CPEB4: variants seen among roughly 807,000 people sequenced by gnomAD.
CPEB4 encodes the protein cytoplasmic polyadenylation element binding protein 4, also known as cytoplasmic polyadenylation element-binding protein 4.
A neutral mutation model predicts 72.5 loss-of-function variants in CPEB4; 12 were observed. That is an observed-to-expected ratio of 0.17 (90% CI 0.11 to 0.27). CPEB4 has a LOEUF of 0.27. CPEB4 is among the 10% of genes least tolerant of loss of function. CPEB4 has a pLI of 1.00. For synonymous variants in CPEB4, 302 were observed against 326.3 expected, an observed-to-expected ratio of 0.93 and a Z score of 0.80; for missense variants, 614 against 908.5, an observed-to-expected ratio of 0.68 and a Z score of 4.17.
At chr5:173,952,227 A>G (rs969599457) in intron 8 of CPEB4, among the ~76,000 whole-genome samples, 3 of 152,332 alleles carry the variant, frequency 2.0e-5, no homozygotes, top group South Asian at 2.1e-4. Flanking sequence ...TGAGGGTTGA[A>G]TTAGACGACC....
intron 3 of CPEB4, among the ~76,000 whole-genome samples, chr5:173,941,719 A>C (rs952775522): frequency 2.0e-5 from 3 of 152,126 alleles, no homozygotes; most frequent in Non-Finnish European, 4.4e-5. Flanking sequence ...CCAAAAAAAA[A>C]ATACAAAAAT....
At chr5:173,952,155 A>G (rs1758235437) in intron 8 of CPEB4, among the ~76,000 whole-genome samples, 1 of 152,186 alleles carries the variant, frequency 6.6e-6, no homozygotes, top group Non-Finnish European at 1.5e-5. Context: ...TCAAGTAGGG[A>G]TGAAAAGCGT....
In CPEB4 at chr5:173,889,712, A is replaced by G. The variant is rs1443533590; in HGVS notation, c.-22A>G. 3 of 1,535,672 alleles carry G rather than the reference A, an allele frequency of 2.0e-6. No individual in the cohort carries two copies. In the South Asian group the frequency reaches 3.8e-5, roughly 19 times the overall value. On this transcript the variant is annotated 5_prime_UTR_variant, in exon 1 of 10. Coordinates refer to ENST00000265085, the MANE Select transcript of CPEB4 (RefSeq NM_030627.4). ...TCAGGTTGTCATTTTTTATTGTGAG[A>G]TTCTGCTCCTAAAGATAATAAATGG...
At chr5:173,901,620 C>T (rs1219764582) in intron 1 of CPEB4, among the ~76,000 whole-genome samples, 1 of 152,212 alleles carries the variant, frequency 6.6e-6, no homozygotes, top group African/African-American at 2.4e-5. Flanking sequence ...AACATCTGCT[C>T]TGAAGTCAGA....
Position 173,888,499 on chromosome 5 carries a change from TCAA to T in CPEB4, c.-1230_-1228del. The stretch of plus-strand genomic sequence containing the variant: ...GAAAAAGAAGAACCAGGAGGAGTCC[TCAA>T]CAACGACAGCGGGGACTGCGGGACC... On this transcript the variant is annotated 5_prime_UTR_variant, in exon 1 of 10. Transcript: ENST00000265085. This position sits in a 1 kb window ranked among gnomAD's most constrained non-coding sequence, Gnocchi z 4.3. 1 of 417,996 alleles carries T rather than the reference TCAA, an allele frequency of 2.4e-6. No homozygotes were observed. Among genetic ancestry groups the T allele is most frequent in the Non-Finnish European group, 4.2e-6 (1 of 238,446 alleles). The allele number at this position is 417,996 out of a possible 1,614,324, so 25.9% of individuals were successfully genotyped here.
chr5:173,901,837 G>A (rs1481332452), intron 1 of CPEB4, among the ~76,000 whole-genome samples: 1 of 152,204 alleles, frequency 6.6e-6, no homozygotes, highest in African/African-American at 2.4e-5. Context: ...AGTGGCGATG[G>A]CTTTACGGCA....
rs1755742707 is a variant in CPEB4 at position 173,889,904 on chromosome 5, G to A, written c.171G>A (p.Gly57=). ...NNTAANGSSA[G]SAWLFPAPAT... ...CAGCTGCCAATGGCAGCAGTGCTGG[G>A]TCAGCTTGGCTTTTTCCTGCTCCAG... Residue 57 remains glycine (G), a synonymous_variant, in exon 1 of 10, where the codon GGG becomes GGA. Transcript: ENST00000265085. 6.2e-7 allele frequency: 1 copy of A among 1,614,010 alleles called. No homozygotes were observed. The highest frequency in any genetic ancestry group is 1.3e-5 in the African/African-American group (1 of 74,902).
At position 173,949,938 on chromosome 5, in the gene CPEB4, C is replaced by G. The variant is rs768550691; in HGVS notation, c.1547-22C>G. On this transcript the variant is annotated intron_variant, in intron 6 of 9. Transcript: ENST00000265085. ...CCAAAAAATAGGAAAACATGTAAGC[C>G]TTCTTTCCCCCTTTTTTCCAGGCTA... The G allele has an allele frequency of 9.3e-6, 14 of 1,510,522 alleles. No homozygotes were observed. In the South Asian group the frequency reaches 1.6e-4, roughly 17 times the overall value. 93.6% of individuals were successfully genotyped at this position (1,510,522 alleles called of 1,614,324 possible). A position where few individuals can be genotyped will look rare whatever the true frequency, so the allele number is the denominator to read the frequency against.
At chr5:173,949,624 T>C (rs756729606) in intron 6 of CPEB4, 27 bp downstream of exon 6, 11 of 1,436,818 alleles carry the variant, frequency 7.7e-6, no homozygotes, top group South Asian at 1.2e-5. Flanking sequence ...ATTATACTTA[T>C]GTAATTTATT....
chr5:173,927,360 G>A (rs1200772071), intron 2 of CPEB4, among the ~76,000 whole-genome samples: 1 of 152,190 alleles, frequency 6.6e-6, no homozygotes, highest in East Asian at 1.9e-4. Context: ...GGTATTAAAA[G>A]CTCTAATTCC....
chr5:173,919,132 C>T (rs964462968), intron 2 of CPEB4, among the ~76,000 whole-genome samples: 3 of 151,848 alleles, frequency 2.0e-5, no homozygotes, highest in Non-Finnish European at 4.4e-5. Flanking sequence ...ACATTCAGGG[C>T]AGGGATTTAA....
In CPEB4 at chr5:173,890,615, A is replaced by T; in HGVS notation, c.882A>T (p.Thr294=). 2 of 1,613,474 alleles carry T rather than the reference A, an allele frequency of 1.2e-6. No homozygotes were observed. The highest frequency in any genetic ancestry group is 2.2e-5 in the South Asian group (2 of 91,028). ...PWSSYQSPSP[T]PSSSWSPGGG... ...GCAGCTACCAGAGTCCGTCACCAAC[A>T]CCCTCCTCTTCCTGGAGCCCGGGCG... Residue 294 remains threonine (T), a synonymous_variant, in exon 1 of 10, where the codon ACA becomes ACT. Transcript: ENST00000265085.
Position 173,889,516 on chromosome 5 carries a change from T to G in CPEB4, c.-218T>G. 2.3e-6 allele frequency: 1 copy of G among 437,590 alleles called. No homozygotes were observed. Among genetic ancestry groups the G allele is most frequent in the Non-Finnish European group, 4.1e-6 (1 of 245,800 alleles). The allele number at this position is 437,590 out of a possible 1,614,324, so 27.1% of individuals were successfully genotyped here. A position where few individuals can be genotyped will look rare whatever the true frequency, so the allele number is the denominator to read the frequency against. On this transcript the variant is annotated 5_prime_UTR_variant, in exon 1 of 10. An upstream start codon of the reference 5' UTR is lost. Transcript: ENST00000265085. ...ATAAGCCCAATTGGATCCAAGTCAA[T>G]GTTTTAAGAGATTTTTTTAAGAGTT... is the stretch of plus-strand genomic sequence containing the variant.
intron 1 of CPEB4, among the ~76,000 whole-genome samples, chr5:173,894,921 G>A (rs1163030995): frequency 6.6e-6 from 1 of 152,170 alleles, no homozygotes; most frequent in Non-Finnish European, 1.5e-5. Flanking sequence ...ATAGAGTATT[G>A]AAAGGGGAAA....
rs1231616370 is a variant in CPEB4, at chr5:173,950,824, A to G, written c.1665+746A>G. ...AAAGTAGACTGAATCGTGTATATAC[A>G]TGTACAGGTACATTGCATACTGTTT... On this transcript the variant is annotated intron_variant, in intron 7 of 9. Transcript: ENST00000265085. This position sits in a 1 kb window ranked among gnomAD's most constrained non-coding sequence, Gnocchi z 5.0. Among the ~76,000 whole-genome samples the G allele has an allele frequency of 6.6e-6, 1 of 152,198 alleles. No homozygotes were observed. Among genetic ancestry groups the G allele is most frequent in the African/African-American group, 2.4e-5 (1 of 41,450 alleles).
At chr5:173,921,243 CAGTTA>C (rs992456461) in intron 2 of CPEB4, among the ~76,000 whole-genome samples, 5 of 151,934 alleles carry the variant, frequency 3.3e-5, no homozygotes, top group African/African-American at 1.2e-4. Flanking sequence ...TAGGAGTCTT[CAGTTA>C]TTATTATGGA....
At chr5:173,895,102 G>C (rs1438436990) in intron 1 of CPEB4, among the ~76,000 whole-genome samples, 2 of 151,924 alleles carry the variant, frequency 1.3e-5, no homozygotes, top group Non-Finnish European at 2.9e-5. Flanking sequence ...GTGACATTTG[G>C]TTTTATTGTC....
At position 173,956,293 on chromosome 5, in the gene CPEB4, T is replaced by A; in HGVS notation, c.*156T>A. 1 of 580,076 alleles carries A rather than the reference T, an allele frequency of 1.7e-6. No homozygotes were observed. Among genetic ancestry groups the A allele is most frequent in the African/African-American group, 1.9e-5 (1 of 53,520 alleles). The allele number at this position is 580,076 out of a possible 1,614,324, so 35.9% of individuals were successfully genotyped here. On this transcript the variant is annotated 3_prime_UTR_variant, in exon 10 of 10. Coordinates refer to ENST00000265085, the MANE Select transcript of CPEB4 (RefSeq NM_030627.4). ...AAAAGAATGACCTATAATATAGGTG[T>A]TTTGTAGATTCTTGTGTCACTGCAA...
chr5:173,937,740 C>T (rs1468989280), intron 3 of CPEB4, among the ~76,000 whole-genome samples: 1 of 152,152 alleles, frequency 6.6e-6, no homozygotes, highest in African/African-American at 2.4e-5. Flanking sequence ...CTCTCATTTG[C>T]TTCCCATTTT....
Sources: allele counts gnomAD v4.1 joint callset (sites outside exome capture counted in the v4.1 genomes callset), GRCh38; gene constraint gnomAD v4.1.1; non-coding constraint Gnocchi (gnomAD v3.1); transcripts MANE v1.5; gene names NCBI Gene and HGNC (gene_info 2026-07-23, HGNC 2026-07-21).